The following CSMD1 variants were observed in gnomAD, a reference collection of about 807,000 sequenced individuals.
CSMD1 encodes CUB and sushi domain-containing protein 1.
In CSMD1, 213 loss-of-function variants were observed where a neutral mutation model predicts 417.5. That is an observed-to-expected ratio of 0.51 (90% CI 0.46 to 0.57). The LOEUF (loss-of-function observed/expected upper bound fraction) is 0.57. CSMD1 is among the 20% of genes least tolerant of loss of function. The pLI is 0.00. For synonymous variants in CSMD1, 2,862 were observed against 1,736.8 expected (o/e 1.65, Z -16.11); for missense variants, 6,923 against 4,529.7 (o/e 1.53, Z -15.17).
rs954360149 is a variant in CSMD1 at position 3,026,530 on chromosome 8, C to T, written c.7855+2789G>A. Among the ~76,000 whole-genome samples the T allele has an allele frequency of 3.4e-4, 51 of 151,532 alleles. 1 individual carries two copies. Among genetic ancestry groups the T allele is most frequent in the South Asian group, 1.1e-3 (5 of 4,750 alleles). ...CCTCACTGGACCTCACTCAGCCTCA[C>T]GGGGCCTGACTGGACCTCACTGACT... On this transcript the variant is annotated intron_variant, in intron 51 of 69. Coordinates refer to ENST00000635120, the MANE Select transcript of CSMD1 (RefSeq NM_033225.6).
In CSMD1 at chr8:3,982,025, G is replaced by C. The variant is rs181123492; in HGVS notation, c.818+15878C>G. Reference sequence around the variant, plus strand: ...TCTCTACTAAAAATACAAAAAATTAGCCTGGCGCGGTGACGGTCGCCTGTA... The same window carrying C: ...TCTCTACTAAAAATACAAAAAATTACCCTGGCGCGGTGACGGTCGCCTGTA... On this transcript the variant is annotated intron_variant, in intron 5 of 69. Transcript: ENST00000635120. 8.1e-3 allele frequency among the ~76,000 whole-genome samples: 1,235 copies of C among 151,930 alleles called. 23 individuals are homozygous for C. Among genetic ancestry groups the C allele is most frequent in the African/African-American group, 0.029 (1,187 of 41,416 alleles).
chr8:3,911,716 C>G (rs562476243), intron 5 of CSMD1, among the ~76,000 whole-genome samples: 14 of 152,192 alleles, frequency 9.2e-5, no homozygotes, highest in Non-Finnish European at 2.1e-4. Flanking sequence ...CTATCAAACT[C>G]CAGAACTTCC....
At chr8:4,126,114 C>T (rs1233408085) in intron 3 of CSMD1, among the ~76,000 whole-genome samples, 1 of 151,962 alleles carries the variant, frequency 6.6e-6, no homozygotes, top group South Asian at 2.1e-4. Context: ...CACTTTGACC[C>T]CCTGTGATTT....
chr8:4,021,759 T>A (rs926256532), intron 4 of CSMD1, among the ~76,000 whole-genome samples: 1 of 152,134 alleles, frequency 6.6e-6, no homozygotes, highest in Non-Finnish European at 1.5e-5. Context: ...TCCCCAATAA[T>A]CTTTATCTTG....
chr8:3,740,483 C>G (rs1382942823), intron 6 of CSMD1, among the ~76,000 whole-genome samples: 1 of 152,182 alleles, frequency 6.6e-6, no homozygotes, highest in Non-Finnish European at 1.5e-5. Flanking sequence ...AGCCATCCTT[C>G]TGCGGTAAAA....
chr8:4,547,976 G>C (rs982984166), intron 2 of CSMD1, among the ~76,000 whole-genome samples: 1 of 152,128 alleles, frequency 6.6e-6, no homozygotes, highest in Non-Finnish European at 1.5e-5. Flanking sequence ...CATTTATTGA[G>C]CAAATGTAGG....
At chr8:3,940,662 A>T (rs147583831) in intron 5 of CSMD1, among the ~76,000 whole-genome samples, 2 of 152,020 alleles carry the variant, frequency 1.3e-5, no homozygotes, top group Admixed American at 1.3e-4. Flanking sequence ...GGTTTCCTAG[A>T]TGTTCCCAAA....
At chr8:4,114,365 C>T (rs1181131447) in intron 3 of CSMD1, among the ~76,000 whole-genome samples, 1 of 152,188 alleles carries the variant, frequency 6.6e-6, no homozygotes, top group East Asian at 1.9e-4. Flanking sequence ...TTTAAGCCTA[C>T]TGTTGAGACC....
At position 3,053,357 on chromosome 8, in the gene CSMD1, T is replaced by C. The variant is rs1299127951; in HGVS notation, c.7475-710A>G. ...TGAAGCAGCATCTTTATCATCACAA[T>C]GCTTATTGCAGTGTAGACTCTTTGG... is the stretch of plus-strand genomic sequence containing the variant. On this transcript the variant is annotated intron_variant, in intron 49 of 69. Coordinates refer to ENST00000635120, the MANE Select transcript of CSMD1 (RefSeq NM_033225.6). Among the ~76,000 whole-genome samples, 4 of 152,174 alleles carry C rather than the reference T, an allele frequency of 2.6e-5. No homozygotes were observed. In the East Asian group the frequency reaches 5.8e-4, roughly 22 times the overall value.
rs184700912 is a variant in CSMD1, at chr8:3,240,538, G to A, written c.4154-10307C>T. Among the ~76,000 whole-genome samples, 1,088 of 152,154 alleles carry A rather than the reference G, an allele frequency of 7.2e-3. 5 individuals carry two copies. The highest frequency in any genetic ancestry group is 0.011 in the Non-Finnish European group (753 of 68,008). Reference sequence around the variant, plus strand: ...GCCGAGATAGGTAACAGATGAGGAAGAAATTTGGGCTTGACTGAAATAATG... The same window carrying A: ...GCCGAGATAGGTAACAGATGAGGAAAAAATTTGGGCTTGACTGAAATAATG... On this transcript the variant is annotated intron_variant, in intron 26 of 69. Transcript: ENST00000635120.
At chr8:4,260,928 T>G (rs1207508845) in intron 3 of CSMD1, among the ~76,000 whole-genome samples, 1 of 152,178 alleles carries the variant, frequency 6.6e-6, no homozygotes, top group East Asian at 1.9e-4. Flanking sequence ...TAGTTAGTAT[T>G]TACCTGGTGT....
chr8:4,408,468 G>A (rs976982386), intron 3 of CSMD1, among the ~76,000 whole-genome samples: 3 of 152,144 alleles, frequency 2.0e-5, no homozygotes, highest in Non-Finnish European at 4.4e-5. Flanking sequence ...ATGAATTATT[G>A]ACTGTTTTTA....
Position 3,205,498 on chromosome 8 carries a change from C to A in CSMD1, c.4984+6G>T, listed in dbSNP as rs751103478. On this transcript the variant is annotated splice_donor_region_variant and intron_variant, in intron 31 of 69. Coordinates refer to ENST00000635120, the MANE Select transcript of CSMD1 (RefSeq NM_033225.6). ...CAATGAATTAAAAATACAAGGACAT[C>A]CTTACCGAATTCCTTTGGTACCGTG... The A allele has an allele frequency of 2.9e-6, 4 of 1,360,734 alleles. No homozygotes were observed. The highest frequency in any genetic ancestry group is 4.1e-6 in the Non-Finnish European group (4 of 971,268). The allele number at this position is 1,360,734 out of a possible 1,614,324, so 84.3% of individuals were successfully genotyped here. A position where few individuals can be genotyped will look rare whatever the true frequency, so the allele number is the denominator to read the frequency against.
chr8:3,279,647 T>C (rs1309494524), intron 26 of CSMD1, among the ~76,000 whole-genome samples: 3 of 152,114 alleles, frequency 2.0e-5, no homozygotes, highest in Non-Finnish European at 4.4e-5. Flanking sequence ...CTGGGTGATT[T>C]ATAAAGGAAA....
chr8:3,944,126 G>C (rs1585009421), intron 5 of CSMD1, among the ~76,000 whole-genome samples: 1 of 152,088 alleles, frequency 6.6e-6, no homozygotes, highest in Non-Finnish European at 1.5e-5. Flanking sequence ...TTAATATTTG[G>C]GGAATCTTAG....
At position 4,161,398 on chromosome 8, in the gene CSMD1, G is replaced by C. The variant is rs190071360; in HGVS notation, c.416-129299C>G. Among the ~76,000 whole-genome samples the C allele has an allele frequency of 3.0e-4, 46 of 152,344 alleles. No homozygotes were observed. In the South Asian group the frequency reaches 7.7e-3, roughly 25 times the overall value. ...GCCACAGAATTAAAGGAATCTTAGAGGTAAACTTGTCATTCCTCCTTAATT... is the reference window on the plus strand; with the variant it reads ...GCCACAGAATTAAAGGAATCTTAGACGTAAACTTGTCATTCCTCCTTAATT... On this transcript the variant is annotated intron_variant, in intron 3 of 69. Transcript: ENST00000635120.
intron 5 of CSMD1, among the ~76,000 whole-genome samples, chr8:3,939,679 G>A (rs1810745662): frequency 6.6e-6 from 1 of 152,070 alleles, no homozygotes; most frequent in Non-Finnish European, 1.5e-5. Context: ...TGGAGTAGTA[G>A]TCAGCCACAT....
At chr8:4,768,918 G>A (rs991109588) in intron 1 of CSMD1, among the ~76,000 whole-genome samples, 2 of 152,082 alleles carry the variant, frequency 1.3e-5, no homozygotes, top group African/African-American at 2.4e-5. Context: ...CTTGATAGAC[G>A]TTATTGATTC....
chr8:4,302,004 A>G (rs1798004265), intron 3 of CSMD1, among the ~76,000 whole-genome samples: 2 of 152,240 alleles, frequency 1.3e-5, no homozygotes, highest in South Asian at 4.1e-4. Context: ...GAACAAGTTA[A>G]TATGAGTTTA....
Sources: allele counts gnomAD v4.1 joint callset (sites outside exome capture counted in the v4.1 genomes callset), GRCh38; gene constraint gnomAD v4.1.1; transcripts MANE v1.5; gene names NCBI Gene and HGNC (gene_info 2026-07-23, HGNC 2026-07-21).